Variants in CADM2 observed in about 807,000 individuals in gnomAD.
The protein encoded by CADM2 is cell adhesion molecule 2.
In CADM2, 12 loss-of-function variants were observed where a neutral mutation model predicts 49.8. The observed-to-expected ratio is 0.24, with a 90% CI of 0.15 to 0.39. The LOEUF (loss-of-function observed/expected upper bound fraction) is 0.39. CADM2 is among the 10% of genes least tolerant of loss of function. The pLI is 1.00. For missense variants in CADM2, 378 were observed against 492.3 expected (o/e 0.77, Z 2.20); for synonymous variants, 214 against 175.4 (o/e 1.22, Z -1.74).
chr3:85,164,468 G>T (rs72907173), intron 1 of CADM2, among the ~76,000 whole-genome samples: 1 of 152,020 alleles, frequency 6.6e-6, no homozygotes, highest in Non-Finnish European at 1.5e-5. Context: ...TCAATCAACT[G>T]TAAGGTATTG....
At position 85,310,454 on chromosome 3, in the gene CADM2, T is replaced by C. The variant is rs182274258; in HGVS notation, c.61+350786T>C. Reference sequence around the variant, plus strand: ...CTACACTTAACCACAATACAAGCATTTGGGCACCTATTGTCATACTCAAGA... The same window carrying C: ...CTACACTTAACCACAATACAAGCATCTGGGCACCTATTGTCATACTCAAGA... On this transcript the variant is annotated intron_variant, in intron 1 of 9. Transcript: ENST00000383699. Among the ~76,000 whole-genome samples the C allele has an allele frequency of 9.2e-4, 140 of 152,262 alleles. 1 individual carries two copies. Among genetic ancestry groups the C allele is most frequent in the African/African-American group, 3.2e-3 (133 of 41,558 alleles).
At chr3:85,644,521 G>T (rs1577004989) in intron 1 of CADM2, among the ~76,000 whole-genome samples, 1 of 152,052 alleles carries the variant, frequency 6.6e-6, no homozygotes, top group Non-Finnish European at 1.5e-5. Flanking sequence ...AGAACTTTCT[G>T]CCCGGTTACT....
intron 1 of CADM2, among the ~76,000 whole-genome samples, chr3:85,118,239 G>A (rs2038714403): frequency 6.6e-6 from 1 of 151,380 alleles, no homozygotes; most frequent in South Asian, 2.1e-4. Context: ...GTGCCCATAA[G>A]AGTACATAAA....
rs142792164 is a variant in CADM2, at chr3:85,487,533, T to C, written c.62-238989T>C. 3.7e-3 allele frequency among the ~76,000 whole-genome samples: 475 copies of C among 128,810 alleles called. 2 individuals are homozygous for C. The highest frequency in any genetic ancestry group is 5.1e-3 in the Admixed American group (61 of 12,040). The allele number at this position is 128,810 out of a possible 152,430, so 84.5% of individuals were successfully genotyped here. On this transcript the variant is annotated intron_variant, in intron 1 of 9. Coordinates refer to ENST00000383699, the MANE Select transcript of CADM2 (RefSeq NM_001167675.2). ...GAAGTGGAGGAGGAGAAGGAGGAAG[T>C]GGAGGAGGAGGACGAGGAGGAGGAG...
chr3:85,448,552 G>A (rs2037585642), intron 1 of CADM2, among the ~76,000 whole-genome samples: 1 of 151,978 alleles, frequency 6.6e-6, no homozygotes, highest in South Asian at 2.1e-4. Context: ...CCAAACCTAT[G>A]ACTCTCTCTT....
chr3:86,007,208 G>C (rs192289950), intron 8 of CADM2, among the ~76,000 whole-genome samples: 2 of 137,860 alleles, frequency 1.5e-5, no homozygotes, highest in Non-Finnish European at 3.0e-5. Flanking sequence ...CTATATTCCA[G>C]ATTTCAGCAA....
chr3:85,961,335 T>A, intron 7 of CADM2, 134 bp from the exon 8 acceptor site: 2 of 656,116 alleles, frequency 3.0e-6, no homozygotes, highest in Non-Finnish European at 4.9e-6. Flanking sequence ...TGATGGTCCT[T>A]TTGGTATCTT....
intron 1 of CADM2, among the ~76,000 whole-genome samples, chr3:85,215,932 A>G (rs1011338255): frequency 6.6e-6 from 1 of 152,098 alleles, no homozygotes. Flanking sequence ...CACCATGCAG[A>G]CGCTGCTAGA....
intron 1 of CADM2, among the ~76,000 whole-genome samples, chr3:85,131,070 T>C (rs1382916646): frequency 2.0e-5 from 3 of 151,702 alleles, no homozygotes; most frequent in Non-Finnish European, 4.4e-5. Context: ...TTCCAGCTAC[T>C]CAGGAGGCTG....
At chr3:85,503,918 T>C (rs1248861381) in intron 1 of CADM2, among the ~76,000 whole-genome samples, 2 of 152,240 alleles carry the variant, frequency 1.3e-5, no homozygotes, top group Non-Finnish European at 2.9e-5. Context: ...TACGTGTGAA[T>C]AAGAAGTGTC....
intron 1 of CADM2, among the ~76,000 whole-genome samples, chr3:85,580,055 T>C (rs1212528392): frequency 1.3e-5 from 2 of 152,178 alleles, no homozygotes; most frequent in African/African-American, 4.8e-5. Context: ...CTTTGACATC[T>C]ACGTTTTGAG....
intron 1 of CADM2, among the ~76,000 whole-genome samples, chr3:85,624,406 C>T (rs1405424274): frequency 1.3e-5 from 2 of 152,096 alleles, no homozygotes; most frequent in South Asian, 2.1e-4. Flanking sequence ...AATCTTGGCT[C>T]ACTGCAACCT....
intron 8 of CADM2, among the ~76,000 whole-genome samples, chr3:86,047,715 A>G (rs545990377): frequency 1.3e-5 from 2 of 152,194 alleles, no homozygotes; most frequent in Non-Finnish European, 2.9e-5. Flanking sequence ...GTGTGTGAGT[A>G]AAGTAGAATA....
At chr3:85,005,890 A>G (rs2033693921) in intron 1 of CADM2, among the ~76,000 whole-genome samples, 1 of 152,170 alleles carries the variant, frequency 6.6e-6, no homozygotes, top group Non-Finnish European at 1.5e-5. Flanking sequence ...GGATTCAATT[A>G]TGATTTTTCC....
At chr3:85,640,620 A>G (rs1419937042) in intron 1 of CADM2, among the ~76,000 whole-genome samples, 2 of 152,120 alleles carry the variant, frequency 1.3e-5, no homozygotes, top group Non-Finnish European at 2.9e-5. Context: ...TTGGTGGGGA[A>G]AGCAGATTGG....
intron 1 of CADM2, among the ~76,000 whole-genome samples, chr3:85,635,458 C>T (rs762481792): frequency 4.6e-5 from 7 of 152,030 alleles, no homozygotes; most frequent in Non-Finnish European, 1.0e-4. Context: ...AGTCTTATAC[C>T]TCCGATGGTA....
intron 1 of CADM2, among the ~76,000 whole-genome samples, chr3:85,265,012 A>G (rs1005355321): frequency 9.2e-5 from 14 of 151,982 alleles, no homozygotes; most frequent in African/African-American, 3.4e-4. Flanking sequence ...ATTCATCAGC[A>G]CGAATTAGAT....
intron 1 of CADM2, among the ~76,000 whole-genome samples, chr3:85,363,783 T>C (rs2107289555): frequency 6.6e-6 from 1 of 152,256 alleles, no homozygotes; most frequent in African/African-American, 2.4e-5. Context: ...GGCTAATTTT[T>C]TGTATTTTCA....
At chr3:85,874,898 C>T (rs1711591003) in intron 3 of CADM2, among the ~76,000 whole-genome samples, 1 of 152,104 alleles carries the variant, frequency 6.6e-6, no homozygotes, top group African/African-American at 2.4e-5. Context: ...TATCTGTTAA[C>T]AGTCTTCTCT....
Sources: allele counts gnomAD v4.1 joint callset (sites outside exome capture counted in the v4.1 genomes callset), GRCh38; gene constraint gnomAD v4.1.1; transcripts MANE v1.5; gene names NCBI Gene and HGNC (gene_info 2026-07-23, HGNC 2026-07-21).